The following BRWD1 variants were observed in gnomAD, a reference collection of about 807,000 sequenced individuals.
The protein encoded by BRWD1 is bromodomain and WD repeat domain containing 1.
BRWD1 carries 82 observed loss-of-function variants against 251.2 expected under a neutral mutation model. That is an observed-to-expected ratio of 0.33 (90% CI 0.27 to 0.39). The LOEUF is 0.39. Ranked by LOEUF, BRWD1 falls within the 10% of genes least tolerant of loss-of-function variation. The probability of loss-of-function intolerance (pLI) is 1.00; values close to 1 mark genes in which losing one functional copy is unlikely to be tolerated. For missense variants in BRWD1, 2,233 were observed against 2,711.6 expected, an observed-to-expected ratio of 0.82 and a Z score of 3.92; for synonymous variants, 918 against 902.8, an observed-to-expected ratio of 1.02 and a Z score of -0.30.
At chr21:39,211,145 T>C (rs183469433) in intron 34 of BRWD1, among the ~76,000 whole-genome samples, 52 of 152,358 alleles carry the variant, frequency 3.4e-4, no homozygotes, top group Non-Finnish European at 6.3e-4. Context: ...AAGTTAGCTA[T>C]GAAAAGCATA....
At chr21:39,321,071 A>G (rs1315237195) in exon 1 of BRWD1, 1 of 152,156 alleles carries the variant, frequency 6.6e-6, no homozygotes, top group Non-Finnish European at 1.5e-5. Flanking sequence ...CCGGAAGAGC[A>G]CCACAACCTC....
intron 31 of BRWD1, 130 bp from the exon 32 acceptor site, chr21:39,215,492 A>T: frequency 1.3e-6 from 1 of 744,876 alleles, no homozygotes; most frequent in Non-Finnish European, 2.2e-6. Context: ...ATAATGAATA[A>T]CCTTCTAATG....
intron 25 of BRWD1, 112 bp from the exon 26 acceptor site, chr21:39,229,548 G>A: frequency 2.9e-6 from 3 of 1,022,670 alleles, no homozygotes; most frequent in Non-Finnish European, 2.9e-6. Flanking sequence ...CAAACCCGCA[G>A]ACAAGTTTAA....
At chr21:39,204,853 G>A (rs939282956) in intron 37 of BRWD1, among the ~76,000 whole-genome samples, 5 of 152,090 alleles carry the variant, frequency 3.3e-5, no homozygotes, top group African/African-American at 9.7e-5. Context: ...ATGCCCCCAC[G>A]GATCTGACAG....
At chr21:39,282,041 T>G (rs894758112) in intron 8 of BRWD1, among the ~76,000 whole-genome samples, 2 of 151,716 alleles carry the variant, frequency 1.3e-5, no homozygotes, top group Non-Finnish European at 2.9e-5. Flanking sequence ...AGTATATGTA[T>G]GTACATATGT....
At chr21:39,205,708 T>G (rs1286477229) in intron 37 of BRWD1, among the ~76,000 whole-genome samples, 1 of 151,594 alleles carries the variant, frequency 6.6e-6, no homozygotes, top group Non-Finnish European at 1.5e-5. Context: ...GAGGCAGAGG[T>G]TGCAGTCAGC....
At chr21:39,214,969 G>T (rs1170929241) in intron 32 of BRWD1, among the ~76,000 whole-genome samples, 6 of 146,366 alleles carry the variant, frequency 4.1e-5, no homozygotes, top group African/African-American at 1.5e-4. Context: ...TGGGCTCACT[G>T]TAACCACCAC....
At position 39,247,731 on chromosome 21, in the gene BRWD1, A is replaced by G. The variant is rs2034245243; in HGVS notation, c.2451T>C (p.Ser817=). The G allele has an allele frequency of 6.2e-7, 1 of 1,613,330 alleles. No individual in the cohort carries two copies. The highest frequency in any genetic ancestry group is 2.2e-5 in the East Asian group (1 of 44,822). The change falls in exon 21 of 41, where the codon TCT becomes TCC. Residue 817 remains serine, a synonymous_variant. Coordinates refer to ENST00000342449, the MANE Select transcript of BRWD1 (RefSeq NM_033656.4). ...TTACAGAGCTTGAAGACTCATTTCCAGAAGATAACTCACGCCAGCTACGAT... is the reference window on the plus strand; with the variant it reads ...TTACAGAGCTTGAAGACTCATTTCCGGAAGATAACTCACGCCAGCTACGAT... ...RRNRSWRELS[S]GNESSSSVRH...
In BRWD1 at chr21:39,197,009, AGAGTCT is replaced by A; in HGVS notation, c.6054_6059del (p.Asp2019_Ser2020del). 2 of 1,614,096 alleles carry A rather than the reference AGAGTCT, an allele frequency of 1.2e-6. No homozygotes were observed. Among genetic ancestry groups the A allele is most frequent in the Non-Finnish European group, 1.7e-6 (2 of 1,179,966 alleles). ...TGTGTTCTGAATTCAACATATCTTC[AGAGTCT>A]GAGTCTCCATTTAGAGCCTGACTAA... On this transcript the variant is annotated inframe_deletion, in exon 41 of 41. Transcript: ENST00000342449.
At chr21:39,212,851 A>T in intron 33 of BRWD1, 144 bp from the exon 34 acceptor site, 1 of 568,234 alleles carries the variant, frequency 1.8e-6, no homozygotes, top group South Asian at 3.2e-5. Context: ...AAAGACTACC[A>T]GATGATCTTT....
chr21:39,211,555 T>C (rs2032659174), intron 34 of BRWD1, among the ~76,000 whole-genome samples: 1 of 152,134 alleles, frequency 6.6e-6, no homozygotes, highest in Non-Finnish European at 1.5e-5. Flanking sequence ...AAAATGCACA[T>C]AACTCTCCCT....
Position 39,187,298 on chromosome 21 carries a change from G to T in BRWD1, c.*8961C>A, listed in dbSNP as rs765337070. The T allele has an allele frequency of 5.6e-6, 9 of 1,613,910 alleles. No homozygotes were observed. Among genetic ancestry groups the T allele is most frequent in the Non-Finnish European group, 6.8e-6 (8 of 1,179,918 alleles). Reference sequence around the variant, plus strand: ...GCAGCAACAGTAGCACATCTGCGGGGAACTTTCTCAGGTACCATTTTTGCT... The same window carrying T: ...GCAGCAACAGTAGCACATCTGCGGGTAACTTTCTCAGGTACCATTTTTGCT... On this transcript the variant is annotated 3_prime_UTR_variant, in exon 41 of 41. Transcript: ENST00000342449.
intron 15 of BRWD1, among the ~76,000 whole-genome samples, chr21:39,267,567 C>T (rs2034963979): frequency 6.6e-6 from 1 of 152,074 alleles, no homozygotes; most frequent in Non-Finnish European, 1.5e-5. Context: ...CCACTGCACT[C>T]CAGCCTGGGC....
At chr21:39,296,974 C>T (rs1340469561) in intron 5 of BRWD1, 1 of 985,058 alleles carries the variant, frequency 1.0e-6, no homozygotes, top group Non-Finnish European at 1.2e-6. Context: ...TAGTCTCTAT[C>T]TTTAGGAAGT....
At chr21:39,301,444 TGA>T (rs2036109779) in intron 4 of BRWD1, among the ~76,000 whole-genome samples, 1 of 151,676 alleles carries the variant, frequency 6.6e-6, no homozygotes, top group South Asian at 2.1e-4. Context: ...GGCGAGGAAC[TGA>T]GAGTGGCCAA....
intron 8 of BRWD1, among the ~76,000 whole-genome samples, chr21:39,285,923 C>T (rs2035620680): frequency 6.7e-6 from 1 of 148,732 alleles, no homozygotes. Context: ...AGTTAGCTGT[C>T]CTGAACTGTT....
chr21:39,217,056 TATATATATATATATATATATATATATA>T (rs2032960080), intron 31 of BRWD1: 1 of 15,748 alleles, frequency 6.4e-5, no homozygotes, highest in Non-Finnish European at 1.3e-4. Flanking sequence ...TATATTTATA[TATATATATATATATATATATATATATA>T]TTTTTTTTTT....
chr21:39,301,381 C>T (rs1305740796), intron 4 of BRWD1, among the ~76,000 whole-genome samples: 2 of 152,116 alleles, frequency 1.3e-5, no homozygotes, highest in Non-Finnish European at 2.9e-5. Flanking sequence ...TCTACTGCCT[C>T]GTCAGCTTTC....
At chr21:39,246,906 ACC>A (rs1319205965) in intron 21 of BRWD1, among the ~76,000 whole-genome samples, 1 of 151,722 alleles carries the variant, frequency 6.6e-6, no homozygotes, top group Non-Finnish European at 1.5e-5. Context: ...CATGGTGAAA[ACC>A]CCTTCTCTAC....
Sources: gnomAD v4.1 joint callset for allele counts (sites outside exome capture counted in the v4.1 genomes callset) on GRCh38, gnomAD v4.1.1 for gene constraint, MANE v1.5 for transcripts, NCBI Gene and HGNC (gene_info 2026-07-23, HGNC 2026-07-21) for gene names.